CNTNAP2: variants seen among roughly 807,000 people sequenced by gnomAD.
CNTNAP2 encodes the protein contactin associated protein 2.
A neutral mutation model predicts 155.2 loss-of-function variants in CNTNAP2; 98 were observed. That is an observed-to-expected ratio of 0.63 (90% CI 0.54 to 0.75). CNTNAP2 has a LOEUF of 0.75. Ranked by LOEUF, CNTNAP2 falls within the 30% of genes least tolerant of loss-of-function variation. The probability of loss-of-function intolerance (pLI) is 0.00; values close to 1 mark genes in which losing one functional copy is unlikely to be tolerated. For synonymous variants in CNTNAP2, 651 were observed against 631.2 expected (o/e 1.03, Z -0.47); for missense variants, 1,727 against 1,688.1 (o/e 1.02, Z -0.40).
intron 8 of CNTNAP2, among the ~76,000 whole-genome samples, chr7:147,189,878 G>A (rs1802644859): frequency 6.6e-6 from 1 of 151,980 alleles, no homozygotes; most frequent in Admixed American, 6.6e-5. Flanking sequence ...CCGAGTAGCT[G>A]GGACTACAGG....
chr7:147,594,120 T>C (rs1474428574), intron 12 of CNTNAP2, among the ~76,000 whole-genome samples: 4 of 131,800 alleles, frequency 3.0e-5, no homozygotes, highest in Admixed American at 8.9e-5. Context: ...CACCCTCTGG[T>C]GTCTCTTTTT....
chr7:146,830,557 T>G (rs1274365706), intron 2 of CNTNAP2, among the ~76,000 whole-genome samples: 1 of 152,180 alleles, frequency 6.6e-6, no homozygotes. Flanking sequence ...ATGTCATAAT[T>G]TTAACCCTGT....
At chr7:147,444,280 G>A (rs896183174) in intron 10 of CNTNAP2, among the ~76,000 whole-genome samples, 2 of 152,114 alleles carry the variant, frequency 1.3e-5, no homozygotes, top group African/African-American at 4.8e-5. Context: ...GTGGCAATTT[G>A]AGAACACAAG....
chr7:147,763,479 A>C (rs1797339298), intron 13 of CNTNAP2, among the ~76,000 whole-genome samples: 1 of 151,206 alleles, frequency 6.6e-6, no homozygotes, highest in Non-Finnish European at 1.5e-5. Flanking sequence ...TTAGCAGGGC[A>C]TGCCTTCTGA....
At chr7:147,259,976 TCCCCA>T (rs1254693798) in intron 8 of CNTNAP2, among the ~76,000 whole-genome samples, 1 of 152,122 alleles carries the variant, frequency 6.6e-6, no homozygotes, top group Non-Finnish European at 1.5e-5. Context: ...TATCCCTCCC[TCCCCA>T]CAAAAGGATA....
intron 11 of CNTNAP2, among the ~76,000 whole-genome samples, chr7:147,560,573 T>C (rs1800043436): frequency 6.6e-6 from 1 of 152,144 alleles, no homozygotes. Context: ...TGCCGAGCTT[T>C]CTAGCCCCAT....
intron 15 of CNTNAP2, among the ~76,000 whole-genome samples, chr7:147,992,087 CTTTTTT>C (rs36015914): frequency 2.7e-5 from 2 of 72,770 alleles, no homozygotes; most frequent in East Asian, 4.9e-4. Flanking sequence ...ATTACTACCT[CTTTTTT>C]TTTTTTTTTT....
intron 1 of CNTNAP2, among the ~76,000 whole-genome samples, chr7:146,589,773 G>T (rs775172321): frequency 5.3e-5 from 8 of 151,700 alleles, no homozygotes; most frequent in African/African-American, 1.9e-4. Context: ...ATATATAATG[G>T]AATGTTGCAA....
At chr7:146,976,889 C>G (rs1289880573) in intron 3 of CNTNAP2, among the ~76,000 whole-genome samples, 1 of 152,138 alleles carries the variant, frequency 6.6e-6, no homozygotes, top group East Asian at 1.9e-4. Context: ...GGGCAGGACT[C>G]CTGGAATGGG....
chr7:147,766,017 G>A (rs187198589), intron 13 of CNTNAP2, among the ~76,000 whole-genome samples: 2 of 152,270 alleles, frequency 1.3e-5, no homozygotes, highest in African/African-American at 2.4e-5. Context: ...TCTAGAACAA[G>A]TGAACCTCAT....
chr7:147,011,104 G>A (rs1472313332), intron 3 of CNTNAP2, among the ~76,000 whole-genome samples: 1 of 151,876 alleles, frequency 6.6e-6, no homozygotes, highest in Non-Finnish European at 1.5e-5. Context: ...GTCAATGGGA[G>A]AACTGGCCTG....
At chr7:147,468,063 T>A (rs1798150846) in intron 10 of CNTNAP2, among the ~76,000 whole-genome samples, 1 of 151,968 alleles carries the variant, frequency 6.6e-6, no homozygotes. Flanking sequence ...GCGGGAGGAT[T>A]TCTTGAGGCC....
At chr7:146,210,506 A>C (rs2014200) in intron 1 of CNTNAP2, among the ~76,000 whole-genome samples, 10 of 151,888 alleles carry the variant, frequency 6.6e-5, no homozygotes, top group Non-Finnish European at 1.3e-4. Context: ...GTTTCACAAT[A>C]TGGACCAGGC....
At chr7:146,911,571 C>T (rs6947747) in intron 3 of CNTNAP2, among the ~76,000 whole-genome samples, 35,054 of 149,408 alleles carry the variant, frequency 0.23, 5,307 homozygotes, top group Non-Finnish European at 0.32. Flanking sequence ...AAACCAAACA[C>T]CGTATATTCT....
At chr7:146,162,007 T>G (rs575256769) in intron 1 of CNTNAP2, among the ~76,000 whole-genome samples, 5 of 152,188 alleles carry the variant, frequency 3.3e-5, no homozygotes, top group Admixed American at 2.6e-4. Context: ...ATACAAAAAT[T>G]AATTCAAGAT....
intron 16 of CNTNAP2, among the ~76,000 whole-genome samples, chr7:148,127,383 C>A (rs1016128342): frequency 2.0e-5 from 3 of 152,142 alleles, no homozygotes; most frequent in Non-Finnish European, 4.4e-5. Flanking sequence ...AGGTAACATT[C>A]AGGAAAAGCA....
intron 21 of CNTNAP2, among the ~76,000 whole-genome samples, chr7:148,379,246 C>T (rs1798998166): frequency 6.6e-6 from 1 of 152,042 alleles, no homozygotes; most frequent in South Asian, 2.1e-4. Flanking sequence ...CATAATATCA[C>T]ATCGCCCTCC....
At position 147,023,677 on chromosome 7, in the gene CNTNAP2, AC is replaced by A. The variant is rs767413504; in HGVS notation, c.403-20229del. Among the ~76,000 whole-genome samples, 16 of 151,866 alleles carry A rather than the reference AC, an allele frequency of 1.1e-4. 1 individual carries two copies. The highest frequency in any genetic ancestry group is 2.1e-4 in the Non-Finnish European group (14 of 68,008). On this transcript the variant is annotated intron_variant, in intron 3 of 23. Coordinates refer to ENST00000361727, the MANE Select transcript of CNTNAP2 (RefSeq NM_014141.6). ...TAAATCTGTTCTGCCAGGATCTGCC[AC>A]TCTTCAGCCAAAACTCCTAGTTACT... is the stretch of plus-strand genomic sequence containing the variant.
chr7:146,952,456 T>C (rs1027910813), intron 3 of CNTNAP2, among the ~76,000 whole-genome samples: 1 of 151,880 alleles, frequency 6.6e-6, no homozygotes, highest in Non-Finnish European at 1.5e-5. Context: ...AGAAATAAAA[T>C]GTATTCAAAA....
Sources: allele counts gnomAD v4.1 joint callset (sites outside exome capture counted in the v4.1 genomes callset), GRCh38; gene constraint gnomAD v4.1.1; transcripts MANE v1.5; gene names NCBI Gene and HGNC (gene_info 2026-07-23, HGNC 2026-07-21).